The following ZSCAN21 variants were observed in gnomAD, a reference collection of about 807,000 sequenced individuals.
ZSCAN21 encodes zinc finger and SCAN domain containing 21.
Under a neutral mutation model 35.6 loss-of-function variants are expected in ZSCAN21, and 26 were observed. The ratio of observed to expected loss-of-function variants is 0.73; its 90% CI spans 0.54 to 1.01. The LOEUF (loss-of-function observed/expected upper bound fraction) is 1.01. ZSCAN21 is among the 50% of genes least tolerant of loss of function. The pLI is 0.00. For missense variants in ZSCAN21, 593 were observed against 587.1 expected, an observed-to-expected ratio of 1.01 and a Z score of -0.10; for synonymous variants, 219 against 219.3, an observed-to-expected ratio of 1.00 and a Z score of 0.01.
At chr7:100,063,509 G>A (rs552831936) in intron 3 of ZSCAN21, among the ~76,000 whole-genome samples, 1 of 152,278 alleles carries the variant, frequency 6.6e-6, no homozygotes, top group South Asian at 2.1e-4. Context: ...GGCTGAGGCA[G>A]GAGAATCGCT....
intron 1 of ZSCAN21, among the ~76,000 whole-genome samples, chr7:100,050,619 A>C (rs960734273): frequency 2.6e-5 from 4 of 151,788 alleles, no homozygotes; most frequent in African/African-American, 9.7e-5. Context: ...AATCGCTTGA[A>C]CCCACCAGGT....
At position 100,064,760 on chromosome 7, in the gene ZSCAN21, C is replaced by T. The variant is rs145531972; in HGVS notation, c.*143C>T. On this transcript the variant is annotated 3_prime_UTR_variant, in exon 4 of 4. Coordinates refer to ENST00000292450, the MANE Select transcript of ZSCAN21 (RefSeq NM_145914.3). ...AGGGGATGCCTGAGGAGTGCGAGCT[C>T]CACAGCAACATGGCAGGCAGGAGGT... 1.2e-6 allele frequency: 2 copies of T among 1,614,070 alleles called. No individual in the cohort carries two copies. The highest frequency in any genetic ancestry group is 1.1e-5 in the South Asian group (1 of 91,046).
At chr7:100,050,460 A>C (rs777792017) in intron 1 of ZSCAN21, among the ~76,000 whole-genome samples, 2 of 151,994 alleles carry the variant, frequency 1.3e-5, no homozygotes, top group Non-Finnish European at 2.9e-5. Context: ...TAATCCCAGC[A>C]GTTCGGGAGG....
In ZSCAN21 at chr7:100,064,621, T is replaced by C. The variant is rs369212175; in HGVS notation, c.*4T>C. 3.6e-5 allele frequency: 58 copies of C among 1,611,892 alleles called. No homozygotes were observed. In the African/African-American group the frequency reaches 7.4e-4, roughly 20 times the overall value. On this transcript the variant is annotated 3_prime_UTR_variant, in exon 4 of 4. Coordinates refer to ENST00000292450, the MANE Select transcript of ZSCAN21 (RefSeq NM_145914.3). ...TGGAGAGGGAGAAGCACCGTAACTT[T>C]CAAGCGCTCCTGTTGTTGTCGTTGT...
At chr7:100,060,089 G>A (rs555876044) in intron 3 of ZSCAN21, among the ~76,000 whole-genome samples, 13 of 152,338 alleles carry the variant, frequency 8.5e-5, no homozygotes, top group African/African-American at 2.6e-4. Context: ...TGTAGTCATT[G>A]AAATGAAGAA....
rs1314422877 is a variant in ZSCAN21, at chr7:100,056,096, C to T, written c.-96-815C>T. Among the ~76,000 whole-genome samples, 5 of 151,636 alleles carry T rather than the reference C, an allele frequency of 3.3e-5. No homozygotes were observed. In the East Asian group the frequency reaches 5.8e-4, roughly 18 times the overall value. On this transcript the variant is annotated intron_variant, in intron 1 of 3. Transcript: ENST00000292450. ...CTGGGACTACAGGCACCCGCCACCA[C>T]GCCTGGCTAATTTTTTGTATTTTTA...
At chr7:100,056,880 T>A in intron 1 of ZSCAN21, 31 bp from the exon 2 acceptor site, 1 of 1,025,478 alleles carries the variant, frequency 9.8e-7, no homozygotes, top group Non-Finnish European at 1.4e-6. Context: ...CTTTTCAGTT[T>A]GATTATTTTT....
intron 1 of ZSCAN21, among the ~76,000 whole-genome samples, chr7:100,053,644 A>G (rs1177454965): frequency 1.4e-5 from 2 of 144,884 alleles, no homozygotes; most frequent in African/African-American, 5.1e-5. Flanking sequence ...TCCACCTCCC[A>G]GGTTCAAGTG....
At chr7:100,061,860 A>AT (rs1792300935) in intron 3 of ZSCAN21, among the ~76,000 whole-genome samples, 1 of 152,246 alleles carries the variant, frequency 6.6e-6, no homozygotes, top group African/African-American at 2.4e-5. Context: ...AAGGGGTCCC[A>AT]TTTTTCAGAG....
At chr7:100,051,108 G>A (rs1791845483) in intron 1 of ZSCAN21, among the ~76,000 whole-genome samples, 1 of 142,576 alleles carries the variant, frequency 7.0e-6, no homozygotes, top group Admixed American at 7.3e-5. Flanking sequence ...AACCTGGGAG[G>A]CAGAGGTTGC....
At chr7:100,050,267 G>T (rs1364410584) in intron 1 of ZSCAN21, among the ~76,000 whole-genome samples, 2 of 152,146 alleles carry the variant, frequency 1.3e-5, no homozygotes, top group Non-Finnish European at 2.9e-5. Context: ...AACCTCATTA[G>T]AAGTGTTGGG....
At chr7:100,059,932 A>G (rs566650716) in intron 3 of ZSCAN21, among the ~76,000 whole-genome samples, 132 of 150,834 alleles carry the variant, frequency 8.8e-4, no homozygotes, top group African/African-American at 3.0e-3. Flanking sequence ...CTGGTCTCGA[A>G]CTCCTGACCT....
At chr7:100,059,627 A>C (rs1321093036) in intron 3 of ZSCAN21, among the ~76,000 whole-genome samples, 3 of 144,400 alleles carry the variant, frequency 2.1e-5, no homozygotes, top group Non-Finnish European at 4.5e-5. Context: ...ATCTCGGCTC[A>C]GTGCAACCTC....
rs745517768 is a variant in ZSCAN21, at chr7:100,064,682, T to C, written c.*65T>C. 2.5e-6 allele frequency: 4 copies of C among 1,604,452 alleles called. No homozygotes were observed. The highest frequency in any genetic ancestry group is 3.4e-6 in the Non-Finnish European group (4 of 1,174,284). On this transcript the variant is annotated 3_prime_UTR_variant, in exon 4 of 4. Coordinates refer to ENST00000292450, the MANE Select transcript of ZSCAN21 (RefSeq NM_145914.3). ...AGAATCTGAAAACCAGAAAGAAGTC[T>C]TGTCATTGCAGCAGCATCGATTCCG...
intron 1 of ZSCAN21, among the ~76,000 whole-genome samples, chr7:100,055,079 C>T (rs1397960469): frequency 1.3e-5 from 2 of 150,024 alleles, no homozygotes; most frequent in African/African-American, 2.5e-5. Context: ...CCTCAGCCTC[C>T]TGACTAGCTG....
Position 100,064,398 on chromosome 7 carries a change from G to T in ZSCAN21, c.1203G>T (p.Ala401=). 1 of 1,609,870 alleles carries T rather than the reference G, an allele frequency of 6.2e-7. No individual in the cohort carries two copies. Among genetic ancestry groups the T allele is most frequent in the Non-Finnish European group, 8.5e-7 (1 of 1,178,474 alleles). ...GTGGGAAGAGCTTCAGTCAGCATGC[G>T]GGCCTCAGCTCCCACCAGAGACTCC... is the stretch of plus-strand genomic sequence containing the variant. The part of the protein sequence containing the change: ...NECGKSFSQH[A]GLSSHQRLHT... Residue 401 remains alanine (A), a synonymous_variant, in exon 4 of 4, where the codon GCG becomes GCT. Coordinates refer to ENST00000292450, the MANE Select transcript of ZSCAN21 (RefSeq NM_145914.3).
At position 100,057,359 on chromosome 7, in the gene ZSCAN21, C is replaced by A; in HGVS notation, c.353C>A (p.Thr118Asn). Residue 118 changes from threonine (T) to asparagine (N), a missense_variant, in exon 2 of 4, where the codon ACT becomes AAT. Physicochemically the swap from Thr to Asn is moderately conservative, Grantham distance 65 (BLOSUM62 0). Coordinates refer to ENST00000292450, the MANE Select transcript of ZSCAN21 (RefSeq NM_145914.3). Reference sequence around the variant, plus strand: ...CCGGAGAGCGCTGAAGAGGCTGTCACTCTCCTCGAAGATCTGGAGCGGGAA... The same window carrying A: ...CCGGAGAGCGCTGAAGAGGCTGTCAATCTCCTCGAAGATCTGGAGCGGGAA... The part of the protein sequence containing the change: ...HCPESAEEAV[T>N]LLEDLERELD... 1 of 1,584,096 alleles carries A rather than the reference C, an allele frequency of 6.3e-7. No individual in the cohort carries two copies. Among genetic ancestry groups the A allele is most frequent in the Non-Finnish European group, 8.6e-7 (1 of 1,166,378 alleles).
Position 100,063,958 on chromosome 7 carries a change from C to T in ZSCAN21, c.763C>T (p.Gln255Ter). The part of the protein sequence containing the change: ...ENEKGTKPPL[Q>*]EAGSKKGRES... The stretch of plus-strand genomic sequence containing the variant: ...TGAAAAAGGAACAAAACCCCCTCTT[C>T]AAGAGGCAGGCTCCAAGAAAGGTAG... Residue 255 changes from glutamine to a stop codon, truncating the protein, a stop_gained, in exon 4 of 4, where the codon CAA becomes TAA. Coordinates refer to ENST00000292450, the MANE Select transcript of ZSCAN21 (RefSeq NM_145914.3). LOFTEE classifies it high-confidence loss of function. The T allele has an allele frequency of 1.2e-6, 2 of 1,614,164 alleles. No individual in the cohort carries two copies. Among genetic ancestry groups the T allele is most frequent in the East Asian group, 2.2e-5 (1 of 44,876 alleles).
chr7:100,061,259 C>T (rs1005285125), intron 3 of ZSCAN21, among the ~76,000 whole-genome samples: 1 of 152,210 alleles, frequency 6.6e-6, no homozygotes, highest in Non-Finnish European at 1.5e-5. Flanking sequence ...TGGTGGCTCA[C>T]ACCTGTAATC....
Sources: allele counts gnomAD v4.1 joint callset (sites outside exome capture counted in the v4.1 genomes callset), GRCh38; gene constraint gnomAD v4.1.1; transcripts MANE v1.5; gene names NCBI Gene and HGNC (gene_info 2026-07-23, HGNC 2026-07-21).